TCL1A: variants seen among roughly 807,000 people sequenced by gnomAD.
The protein encoded by TCL1A is T-cell leukemia/lymphoma protein 1A.
Under a neutral mutation model 16.9 loss-of-function variants are expected in TCL1A, and 9 were observed. The observed-to-expected ratio is 0.53, with a 90% CI of 0.32 to 0.93. The LOEUF (loss-of-function observed/expected upper bound fraction) is 0.93. Ranked by LOEUF, TCL1A falls within the 40% of genes least tolerant of loss-of-function variation. The probability of loss-of-function intolerance (pLI) is 0.04; values close to 1 mark genes in which losing one functional copy is unlikely to be tolerated. For missense variants in TCL1A, 139 were observed against 153.0 expected (o/e 0.91, Z 0.48); for synonymous variants, 69 against 63.2 (o/e 1.09, Z -0.44).
intron 1 of TCL1A, chr14:95,712,695 G>A: frequency 1.5e-6 from 2 of 1,359,220 alleles, no homozygotes; most frequent in Non-Finnish European, 1.9e-6. Context: ...TAATTCCAGT[G>A]CTTTGGAAGG....
rs796626972 is a variant in TCL1A at position 95,712,488 on chromosome 14, T to C, written c.121-92A>G. The C allele has an allele frequency of 8.0e-5, 122 of 1,524,720 alleles. No individual in the cohort carries two copies. In the African/African-American group the frequency reaches 1.3e-3, roughly 16 times the overall value. 94.4% of individuals were successfully genotyped at this position (1,524,720 alleles called of 1,614,324 possible). Reference sequence around the variant, plus strand: ...AAACCGGAATCCCTCCTGCCAGCCATCCACCCATCTGGGCAGGGGTCCGAG... The same window carrying C: ...AAACCGGAATCCCTCCTGCCAGCCACCCACCCATCTGGGCAGGGGTCCGAG... On this transcript the variant is annotated intron_variant, in intron 1 of 3. Coordinates refer to ENST00000402399, the MANE Select transcript of TCL1A (RefSeq NM_021966.3).
Position 95,712,163 on chromosome 14 carries a change from C to A in TCL1A, c.297+57G>T, listed in dbSNP as rs1566746731. On this transcript the variant is annotated intron_variant, in intron 2 of 3. Coordinates refer to ENST00000402399, the MANE Select transcript of TCL1A (RefSeq NM_021966.3). ...GGGAAGATAAACCACTAAGGCCAGA[C>A]ATGGAGGAGGGCAAACCCAAGATCA... is the stretch of plus-strand genomic sequence containing the variant. 4 of 1,600,812 alleles carry A rather than the reference C, an allele frequency of 2.5e-6. No individual in the cohort carries two copies. The East Asian group carries it at 6.7e-5, about 27-fold the overall frequency.
intron 1 of TCL1A, among the ~76,000 whole-genome samples, 172 bp downstream of exon 1, chr14:95,713,775 T>C (rs887972805): frequency 3.3e-5 from 5 of 152,176 alleles, no homozygotes; most frequent in Non-Finnish European, 7.4e-5. Flanking sequence ...CCTTCTTCCC[T>C]GCCTGGAGAA....
chr14:95,714,096 G>A lies in TCL1A; in HGVS notation c.-30C>T, dbSNP rs373340060. The stretch of plus-strand genomic sequence containing the variant: ...TCCTCGGGCCGCCTAAGAAGCAAGA[G>A]CCAGAGCCTCTCAAGGCCGCTCGCT... On this transcript the variant is annotated 5_prime_UTR_variant, in exon 1 of 4. Transcript: ENST00000402399. 6.2e-6 allele frequency: 10 copies of A among 1,611,408 alleles called. No homozygotes were observed. Among genetic ancestry groups the A allele is most frequent in the South Asian group, 1.1e-5 (1 of 91,018 alleles).
intron 1 of TCL1A, 40 bp from the exon 2 acceptor site, chr14:95,712,436 G>T (rs750215320): frequency 2.6e-6 from 4 of 1,553,104 alleles, no homozygotes; most frequent in Non-Finnish European, 3.5e-6. Context: ...TTCAGGTTCC[G>T]CTTGCCAGGG....
chr14:95,712,155 A>G, intron 2 of TCL1A, 65 bp downstream of exon 2: 1 of 1,586,200 alleles, frequency 6.3e-7, no homozygotes, highest in Non-Finnish European at 8.7e-7. Flanking sequence ...TAAACCACTA[A>G]GGCCAGACAT....
At chr14:95,712,794 C>T (rs1595066820) in intron 1 of TCL1A, 1 of 669,504 alleles carries the variant, frequency 1.5e-6, no homozygotes, top group Non-Finnish European at 2.2e-6. Flanking sequence ...AAAAAAAAAA[C>T]AACAAAGAAA....
chr14:95,711,630 G>A, intron 3 of TCL1A, 119 bp downstream of exon 3: 2 of 1,195,040 alleles, frequency 1.7e-6, no homozygotes, highest in Non-Finnish European at 2.4e-6. Context: ...CCATCCCTAG[G>A]GACCCTCAGA....
chr14:95,712,817 A>C, intron 1 of TCL1A: 2 of 610,678 alleles, frequency 3.3e-6, no homozygotes, highest in Non-Finnish European at 5.1e-6. Context: ...AAGAGAGAAA[A>C]AGAATACTGG....
Position 95,712,088 on chromosome 14 carries a change from T to C in TCL1A, c.297+132A>G, listed in dbSNP as rs796243241. The C allele has an allele frequency of 9.9e-5, 117 of 1,182,408 alleles. No individual in the cohort carries two copies. The African/African-American group carries it at 1.3e-3, about 14-fold the overall frequency. 73.2% of individuals were successfully genotyped at this position (1,182,408 alleles called of 1,614,324 possible). ...TCTCTGGTAAAGTCCTTTAGAAATC[T>C]GCACTTGTACATTTCCCCCATTTTT... On this transcript the variant is annotated intron_variant, in intron 2 of 3. Transcript: ENST00000402399.
intron 1 of TCL1A, chr14:95,712,677 C>A: frequency 7.2e-7 from 1 of 1,389,022 alleles, no homozygotes; most frequent in Non-Finnish European, 9.5e-7. Flanking sequence ...TGCAGCGGCT[C>A]ACACTTGTAA....
chr14:95,714,045 C>G lies in TCL1A; in HGVS notation c.22G>C (p.Gly8Arg), dbSNP rs748896184. The G allele has an allele frequency of 6.2e-7, 1 of 1,614,010 alleles. No homozygotes were observed. The highest frequency in any genetic ancestry group is 1.1e-5 in the South Asian group (1 of 91,066). ...TCCGGGTGGTCGGTGACTGCCTCCC[C>G]GAGTGTCGGGCACTCGGCCATGGCG... MAECPTL[G>R]EAVTDHPDRL... The change falls in exon 1 of 4, where the codon GGG becomes CGG. Residue 8 changes from glycine (G) to arginine (R), a missense_variant. By Grantham distance (125) the Gly-to-Arg change is moderately radical (BLOSUM62 -2). Transcript: ENST00000402399.
intron 1 of TCL1A, among the ~76,000 whole-genome samples, chr14:95,713,599 AGATGATTCC>A (rs1281114493): frequency 1.3e-5 from 2 of 152,158 alleles, no homozygotes; most frequent in African/African-American, 2.4e-5. Context: ...GACCCACCTG[AGATGATTCC>A]GATAATCGGC....
At chr14:95,712,853 C>A in intron 1 of TCL1A, 1 of 408,580 alleles carries the variant, frequency 2.4e-6, no homozygotes, top group Non-Finnish European at 4.4e-6. Flanking sequence ...GAGGCAAAAT[C>A]TGTCCCACAG....
rs761885678 is a variant in TCL1A at position 95,712,762 on chromosome 14, C to T, written c.121-366G>A. 16 of 995,484 alleles carry T rather than the reference C, an allele frequency of 1.6e-5. No homozygotes were observed. The Admixed American group carries it at 2.2e-4, about 14-fold the overall frequency. 61.7% of individuals were successfully genotyped at this position (995,484 alleles called of 1,614,324 possible). ...TTTAAGACCAGCCTGGGTCACAGAG[C>T]GAGACCCTGTATCTACAGGAAAAAA... On this transcript the variant is annotated intron_variant, in intron 1 of 3. Transcript: ENST00000402399.
intron 1 of TCL1A, 88 bp from the exon 2 acceptor site, chr14:95,712,484 G>T: frequency 6.6e-7 from 1 of 1,526,674 alleles, no homozygotes; most frequent in African/African-American, 1.4e-5. Context: ...CCTCCTGCCA[G>T]CCATCCACCC....
intron 2 of TCL1A, 83 bp from the exon 3 acceptor site, chr14:95,711,885 G>C: frequency 6.5e-7 from 1 of 1,541,496 alleles, no homozygotes; most frequent in Non-Finnish European, 8.8e-7. Context: ...CCTTCCCCTA[G>C]CTGGAAACAG....
chr14:95,712,195 G>A, intron 2 of TCL1A, 25 bp downstream of exon 2: 1 of 1,613,992 alleles, frequency 6.2e-7, no homozygotes, highest in Non-Finnish European at 8.5e-7. Flanking sequence ...ATCACCCGAT[G>A]GACCTCTGGG....
chr14:95,710,341 TG>T lies in TCL1A; in HGVS notation c.*546del. 1 of 151,052 alleles carries T rather than the reference TG, an allele frequency of 6.6e-6. No homozygotes were observed. The highest frequency in any genetic ancestry group is 1.4e-5 in the Non-Finnish European group (1 of 69,382). 9.4% of individuals were successfully genotyped at this position (151,052 alleles called of 1,614,324 possible). On this transcript the variant is annotated 3_prime_UTR_variant, in exon 4 of 4. Coordinates refer to ENST00000402399, the MANE Select transcript of TCL1A (RefSeq NM_021966.3). ...TCCTTGAGCTGCACGTGAACCTGTG[TG>T]GGCAGGCAGCGTTTGCAGGCGTGTT...
Sources: allele counts gnomAD v4.1 joint callset (sites outside exome capture counted in the v4.1 genomes callset), GRCh38; gene constraint gnomAD v4.1.1; transcripts MANE v1.5; gene names NCBI Gene and HGNC (gene_info 2026-07-23, HGNC 2026-07-21).